IFFO1: variants seen among roughly 807,000 people sequenced by gnomAD.
IFFO1 encodes the protein intermediate filament family orphan 1.
A neutral mutation model predicts 59.6 loss-of-function variants in IFFO1; 42 were observed. The ratio of observed to expected loss-of-function variants is 0.70; its 90% CI spans 0.55 to 0.91. The LOEUF (loss-of-function observed/expected upper bound fraction) is 0.91, where lower values mean the gene tolerates loss of function less well. Among genes scored for constraint, IFFO1 ranks in the 40% least tolerant of loss-of-function variants. IFFO1 has a pLI of 0.00. For synonymous variants in IFFO1, 336 were observed against 342.8 expected, an observed-to-expected ratio of 0.98 and a Z score of 0.22; for missense variants, 711 against 793.2, an observed-to-expected ratio of 0.90 and a Z score of 1.24.
chr12:6,546,616 T>C (rs1176270234), intron 8 of IFFO1, among the ~76,000 whole-genome samples: 1 of 151,988 alleles, frequency 6.6e-6, no homozygotes, highest in African/African-American at 2.4e-5. Flanking sequence ...CCCGAGTAGC[T>C]GGGACTACAG....
At chr12:6,539,092 G>A (rs1297310511), downstream of IFFO1, 1 of 152,252 alleles carries the variant, frequency 6.6e-6, no homozygotes, top group African/African-American at 2.4e-5. Context: ...CTCTGCCACT[G>A]AACGGCTCAG....
intron 1 of IFFO1, among the ~76,000 whole-genome samples, chr12:6,552,475 A>C (rs897957710): frequency 6.6e-6 from 1 of 152,164 alleles, no homozygotes; most frequent in Non-Finnish European, 1.5e-5. Context: ...CACTAAGGGA[A>C]CCAGTCGCAT....
rs1208470105 is a variant in IFFO1 at position 6,541,900 on chromosome 12, A to G, written c.1480-258T>C. Among the ~76,000 whole-genome samples the G allele has an allele frequency of 6.6e-6, 1 of 152,192 alleles. No individual in the cohort carries two copies. Among genetic ancestry groups the G allele is most frequent in the Non-Finnish European group, 1.5e-5 (1 of 68,032 alleles). On this transcript the variant is annotated intron_variant, in intron 8 of 9. Coordinates refer to ENST00000619571, the MANE Select transcript of IFFO1 (RefSeq NM_001193457.2). The surrounding 1 kb of genome is among the most constrained non-coding windows in gnomAD (Gnocchi z 4.8). ...CTGCTGCAGGCTGTGTTCTTTTAAG[A>G]CTGATAAGAGTGGTGAGGAAAGTCA...
rs910715488 is a variant in IFFO1 at position 6,547,176 on chromosome 12, G to A, written c.1479+889C>T. On this transcript the variant is annotated intron_variant, in intron 8 of 9. Coordinates refer to ENST00000619571, the MANE Select transcript of IFFO1 (RefSeq NM_001193457.2). ...TGTAATCCCAACACTTTGTGGGGCC[G>A]AGTTAGGAGGACTGCTTGAATCCAG... is the stretch of plus-strand genomic sequence containing the variant. Among the ~76,000 whole-genome samples the A allele has an allele frequency of 3.9e-5, 6 of 152,278 alleles. No individual in the cohort carries two copies. In the South Asian group the frequency reaches 6.2e-4, roughly 16 times the overall value.
At chr12:6,543,709 G>T (rs1946820055) in intron 8 of IFFO1, 1 of 152,254 alleles carries the variant, frequency 6.6e-6, no homozygotes, top group Admixed American at 6.5e-5. Context: ...GCTCATGCCT[G>T]TAATCCCAGC....
chr12:6,539,427 G>A (rs530881730), downstream of IFFO1: 175 of 151,984 alleles, frequency 1.2e-3, no homozygotes, highest in African/African-American at 4.1e-3. Context: ...CTCCAGCCTA[G>A]GCAACAGAGT....
intron 9 of IFFO1, among the ~76,000 whole-genome samples, chr12:6,540,838 T>C (rs1946676644): frequency 6.6e-6 from 1 of 152,064 alleles, no homozygotes; most frequent in Non-Finnish European, 1.5e-5. Flanking sequence ...CGCCTGTAAT[T>C]CCAGCACTTT....
chr12:6,555,201 G>T lies in IFFO1; in HGVS notation c.773+56C>A. ...TTCTTCGGAACCCACACCAACTCGC[G>T]GCCCGTTGTGAGTGGTATGACACAG... is the stretch of plus-strand genomic sequence containing the variant. On this transcript the variant is annotated intron_variant, in intron 1 of 9. Coordinates refer to ENST00000619571, the MANE Select transcript of IFFO1 (RefSeq NM_001193457.2). The surrounding 1 kb of genome is among the most constrained non-coding windows in gnomAD (Gnocchi z 8.6). 1 of 1,556,468 alleles carries T rather than the reference G, an allele frequency of 6.4e-7. No individual in the cohort carries two copies. The highest frequency in any genetic ancestry group is 1.9e-4 in the Middle Eastern group (1 of 5,198).
At chr12:6,540,843 C>A (rs922334545) in intron 9 of IFFO1, among the ~76,000 whole-genome samples, 3 of 152,212 alleles carry the variant, frequency 2.0e-5, no homozygotes, top group Non-Finnish European at 4.4e-5. Flanking sequence ...GTAATTCCAG[C>A]ACTTTGGGAG....
rs1947076121 is a variant in IFFO1 at position 6,548,555 on chromosome 12, G to A, written c.1263-10C>T. ...AAAATCATACTCCCTCCTAGAGACAGGGAACCCGGGTGTCAGGGCGGGCGG... is the reference window on the plus strand; with the variant it reads ...AAAATCATACTCCCTCCTAGAGACAAGGAACCCGGGTGTCAGGGCGGGCGG... On this transcript the variant is annotated splice_polypyrimidine_tract_variant and intron_variant, in intron 6 of 9. Transcript: ENST00000619571. The surrounding 1 kb of genome is among the most constrained non-coding windows in gnomAD (Gnocchi z 6.1). 2 of 1,613,626 alleles carry A rather than the reference G, an allele frequency of 1.2e-6. No homozygotes were observed. Among genetic ancestry groups the A allele is most frequent in the Non-Finnish European group, 1.7e-6 (2 of 1,179,654 alleles).
chr12:6,546,506 C>T (rs188518088), intron 8 of IFFO1, among the ~76,000 whole-genome samples: 27 of 152,328 alleles, frequency 1.8e-4, no homozygotes, highest in Non-Finnish European at 2.9e-4. Flanking sequence ...ATTTTTGAGA[C>T]GGAGTCTTGC....
At chr12:6,551,749 G>A (rs1481267663) in intron 1 of IFFO1, 4 of 347,566 alleles carry the variant, frequency 1.2e-5, no homozygotes, top group East Asian at 1.5e-4. Flanking sequence ...AAAGGGGCCC[G>A]GTGAGTACGG....
At position 6,550,754 on chromosome 12, in the gene IFFO1, C is replaced by A; in HGVS notation, c.871G>T (p.Ala291Ser). ...QEADACQEEL[A>S]LKVEQLKAEL... Reference sequence around the variant, plus strand: ...GCCTTCAACTGTTCCACCTTCAGTGCCAGCTCCTCCTGGCAGGCATCAGCC... The same window carrying A: ...GCCTTCAACTGTTCCACCTTCAGTGACAGCTCCTCCTGGCAGGCATCAGCC... The change falls in exon 3 of 10, where the codon GCA (alanine) becomes TCA (serine). Residue 291 changes from alanine to serine, a missense_variant. This residue lies in a region of IFFO1 where 579 missense variants were observed against 650.3 expected (regional missense o/e 0.89). Transcript: ENST00000619571. 2 of 1,614,190 alleles carry A rather than the reference C, an allele frequency of 1.2e-6. No individual in the cohort carries two copies. Among genetic ancestry groups the A allele is most frequent in the Non-Finnish European group, 1.7e-6 (2 of 1,180,018 alleles).
chr12:6,546,171 G>A (rs1037187146), intron 8 of IFFO1, among the ~76,000 whole-genome samples: 7 of 152,220 alleles, frequency 4.6e-5, no homozygotes, highest in African/African-American at 1.7e-4. Context: ...GTGTGGGTGG[G>A]AGACATGAAC....
In IFFO1 at chr12:6,548,894, G is replaced by A. The variant is rs747320542; in HGVS notation, c.1081-45C>T. On this transcript the variant is annotated intron_variant, in intron 5 of 9. Transcript: ENST00000619571. The surrounding 1 kb of genome is among the most constrained non-coding windows in gnomAD (Gnocchi z 6.1). ...TGCATGAGGAGAAAGGGCGGGAGCGGGAGGCCGGGCAGAGAGGGTGGGAAT... is the reference window on the plus strand; with the variant it reads ...TGCATGAGGAGAAAGGGCGGGAGCGAGAGGCCGGGCAGAGAGGGTGGGAAT... The A allele has an allele frequency of 1.2e-4, 189 of 1,539,098 alleles. No homozygotes were observed. The highest frequency in any genetic ancestry group is 1.6e-4 in the Non-Finnish European group (176 of 1,132,354).
At chr12:6,554,800 G>A (rs896712090) in intron 1 of IFFO1, among the ~76,000 whole-genome samples, 2 of 152,226 alleles carry the variant, frequency 1.3e-5, no homozygotes, top group African/African-American at 4.8e-5. Context: ...ACCTTGGGGT[G>A]TGAAAGAATC....
In IFFO1 at chr12:6,555,584, C is replaced by A; in HGVS notation, c.446G>T (p.Cys149Phe). The change falls in exon 1 of 10, where the codon TGC (cysteine) becomes TTC (phenylalanine). Residue 149 changes from cysteine (C) to phenylalanine (F), a missense_variant. Transcript: ENST00000619571. This position sits in a 1 kb window ranked among gnomAD's most constrained non-coding sequence, Gnocchi z 8.6. ...GCCCAGCACGCGCGCCGAAGGGCTGCAGACAGCGGCCGGCCGGGCGCCCAG... is the reference window on the plus strand; with the variant it reads ...GCCCAGCACGCGCGCCGAAGGGCTGAAGACAGCGGCCGGCCGGGCGCCCAG... ...LQLGARPAAV[C>F]SPSARVLGSP... 7.1e-7 allele frequency: 1 copy of A among 1,417,490 alleles called. No individual in the cohort carries two copies. The highest frequency in any genetic ancestry group is 9.2e-7 in the Non-Finnish European group (1 of 1,091,578). 87.8% of individuals were successfully genotyped at this position (1,417,490 alleles called of 1,614,324 possible).
rs1457644003 is a variant in IFFO1 at position 6,555,277 on chromosome 12, C to T, written c.753G>A (p.Glu251=). 6.2e-7 allele frequency: 1 copy of T among 1,614,074 alleles called. No homozygotes were observed. Among genetic ancestry groups the T allele is most frequent in the Admixed American group, 1.7e-5 (1 of 60,006 alleles). ...LYNVLAKVKR[E]RDEYKRRWEE... The stretch of plus-strand genomic sequence containing the variant: ...CCTACCTCCGCTTGTACTCGTCCCG[C>T]TCCCGCTTCACTTTGGCCAGCACGT... The change falls in exon 1 of 10, where the codon GAG becomes GAA. Residue 251 remains glutamate, a synonymous_variant. Transcript: ENST00000619571. The surrounding 1 kb of genome is among the most constrained non-coding windows in gnomAD (Gnocchi z 8.6).
At chr12:6,545,259 C>G (rs57107190) in intron 8 of IFFO1, among the ~76,000 whole-genome samples, 4,093 of 152,122 alleles carry the variant, frequency 0.027, 59 homozygotes, top group Middle Eastern at 0.065. Context: ...AATAAAGTCA[C>G]TCTCTCCTTA....
Sources: allele counts gnomAD v4.1 joint callset (sites outside exome capture counted in the v4.1 genomes callset), GRCh38; gene constraint gnomAD v4.1.1; regional missense constraint gnomAD v4.1.1; non-coding constraint Gnocchi (gnomAD v3.1); transcripts MANE v1.5; gene names NCBI Gene and HGNC (gene_info 2026-07-23, HGNC 2026-07-21).